Variants in ATP2B2 observed in about 807,000 individuals in gnomAD.
ATP2B2 encodes ATPase plasma membrane Ca2+ transporting 2, also known as plasma membrane calcium-transporting ATPase 2.
ATP2B2 carries 15 observed loss-of-function variants against 120.0 expected under a neutral mutation model. That is an observed-to-expected ratio of 0.12 (90% CI 0.08 to 0.19). ATP2B2 has a LOEUF of 0.19. Among genes scored for constraint, ATP2B2 ranks in the 10% least tolerant of loss-of-function variants. The probability of loss-of-function intolerance (pLI) is 1.00; values close to 1 mark genes in which losing one functional copy is unlikely to be tolerated. For missense variants in ATP2B2, 1,045 were observed against 1,719.8 expected, an observed-to-expected ratio of 0.61 and a Z score of 6.94; for synonymous variants, 694 against 700.3, an observed-to-expected ratio of 0.99 and a Z score of 0.14.
At chr3:10,510,028 G>C (rs1324547348), upstream of ATP2B2, among the ~76,000 whole-genome samples, 2 of 152,196 alleles carry the variant, frequency 1.3e-5, no homozygotes, top group East Asian at 3.8e-4. Context: ...CAGGCCCCAG[G>C]GAAAATGCTG....
At chr3:10,568,444 A>C (rs761261316) in intron 2 of ATP2B2, among the ~76,000 whole-genome samples, 2 of 152,178 alleles carry the variant, frequency 1.3e-5, no homozygotes, top group Non-Finnish European at 2.9e-5. Context: ...AGAGAAAGAA[A>C]AATCTCCTGA....
intron 1 of ATP2B2, among the ~76,000 whole-genome samples, chr3:10,636,523 AC>A (rs1415039528): frequency 6.6e-6 from 1 of 152,040 alleles, no homozygotes; most frequent in Non-Finnish European, 1.5e-5. Context: ...TGCTTGGGAA[AC>A]TTCTGTTTCC....
intron 1 of ATP2B2, among the ~76,000 whole-genome samples, chr3:10,621,462 C>T (rs1233993673): frequency 3.3e-5 from 5 of 152,200 alleles, no homozygotes; most frequent in South Asian, 2.1e-4. Context: ...TAGAAGTGAT[C>T]GTCAGCTCCA....
chr3:10,548,489 T>A (rs1305771915), intron 2 of ATP2B2, among the ~76,000 whole-genome samples: 1 of 152,172 alleles, frequency 6.6e-6, no homozygotes, highest in African/African-American at 2.4e-5. Flanking sequence ...CCAGCTCTGT[T>A]CCCTCTCAGC....
intron 1 of ATP2B2, among the ~76,000 whole-genome samples, chr3:10,697,324 C>T (rs2071756250): frequency 1.3e-5 from 2 of 152,184 alleles, no homozygotes; most frequent in Non-Finnish European, 2.9e-5. Flanking sequence ...CAGATCTGTG[C>T]TGTAAGTCAG....
At chr3:10,675,442 T>C (rs2071216933) in intron 1 of ATP2B2, among the ~76,000 whole-genome samples, 1 of 152,208 alleles carries the variant, frequency 6.6e-6, no homozygotes, top group South Asian at 2.1e-4. Context: ...TTTCTGATTA[T>C]TGGTATATTA....
chr3:10,483,146 C>T (rs11708602), intron 1 of ATP2B2, among the ~76,000 whole-genome samples: 21 of 152,226 alleles, frequency 1.4e-4, no homozygotes, highest in Non-Finnish European at 2.8e-4. Context: ...AGGGTAATGT[C>T]GGGGCCGACA....
intron 1 of ATP2B2, among the ~76,000 whole-genome samples, chr3:10,705,594 G>C (rs1253246957): frequency 6.6e-6 from 1 of 152,194 alleles, no homozygotes; most frequent in Non-Finnish European, 1.5e-5. Flanking sequence ...CCCATTTCTA[G>C]GGAAGCATGG....
chr3:10,610,753 T>C (rs982154783), intron 2 of ATP2B2, among the ~76,000 whole-genome samples: 1 of 152,310 alleles, frequency 6.6e-6, no homozygotes, highest in East Asian at 1.9e-4. Context: ...TCTGCTTTCA[T>C]GCTATAAAGA....
chr3:10,694,452 C>T (rs550347190), intron 1 of ATP2B2, among the ~76,000 whole-genome samples: 2 of 152,326 alleles, frequency 1.3e-5, no homozygotes, highest in African/African-American at 4.8e-5. Flanking sequence ...TTGCACTCCT[C>T]GAGGTTCATT....
At chr3:10,594,538 A>T (rs1338860187) in intron 2 of ATP2B2, among the ~76,000 whole-genome samples, 4 of 123,554 alleles carry the variant, frequency 3.2e-5, no homozygotes, top group Non-Finnish European at 4.8e-5. Context: ...GGACACAGGA[A>T]GGGGGACATC....
rs1374478520 is a variant in ATP2B2 at position 10,402,400 on chromosome 3, C to T, written c.398-52G>A. ...AGTGAGGTCAACCAGACAGGAGAGG[C>T]CTCATGGGCCTGGATTTACAGCTCA... On this transcript the variant is annotated intron_variant, in intron 3 of 22. Coordinates refer to ENST00000360273, the MANE Select transcript of ATP2B2 (RefSeq NM_001001331.4). This position sits in a 1 kb window ranked among gnomAD's most constrained non-coding sequence, Gnocchi z 4.9. 6.2e-7 allele frequency: 1 copy of T among 1,605,794 alleles called. No individual in the cohort carries two copies. Among genetic ancestry groups the T allele is most frequent in the African/African-American group, 1.3e-5 (1 of 74,908 alleles).
intron 14 of ATP2B2, among the ~76,000 whole-genome samples, chr3:10,355,797 G>GCAGGGAGGCAGA (rs2060701814): frequency 1.1e-5 from 1 of 92,322 alleles, no homozygotes. Context: ...TTTCCGGCCG[G>GCAGGGAGGCAGA]GCGCGGTGGC....
In ATP2B2 at chr3:10,467,667, G is replaced by A. The variant is rs529194447; in HGVS notation, c.-319-17805C>T. Among the ~76,000 whole-genome samples the A allele has an allele frequency of 1.5e-3, 228 of 152,320 alleles. 1 individual carries two copies. The highest frequency in any genetic ancestry group is 2.7e-3 in the Non-Finnish European group (183 of 68,030). On this transcript the variant is annotated intron_variant, in intron 1 of 22. Coordinates refer to ENST00000360273, the MANE Select transcript of ATP2B2 (RefSeq NM_001001331.4). ...GTTTGAATAAAAAGGCAGAGGACAT[G>A]CACTGGGCACCTGCTGTGTACCGAG...
intron 2 of ATP2B2, among the ~76,000 whole-genome samples, chr3:10,546,242 G>A (rs993946955): frequency 1.3e-5 from 2 of 152,142 alleles, no homozygotes; most frequent in Non-Finnish European, 2.9e-5. Context: ...CTGGGATTCT[G>A]CGCAATAAGA....
At chr3:10,513,407 G>A (rs1027571391) in intron 3 of ATP2B2, among the ~76,000 whole-genome samples, 3 of 152,228 alleles carry the variant, frequency 2.0e-5, no homozygotes, top group Non-Finnish European at 4.4e-5. Context: ...AGGAGAGGCA[G>A]TGGGGGCCCC....
intron 1 of ATP2B2, among the ~76,000 whole-genome samples, chr3:10,662,884 C>T (rs35214905): frequency 0.22 from 33,314 of 151,800 alleles, 6,117 homozygotes; most frequent in African/African-American, 0.5. Flanking sequence ...AAGTGTGGCA[C>T]ATATATACCA....
chr3:10,631,352 C>A (rs2069860118), intron 1 of ATP2B2, among the ~76,000 whole-genome samples: 2 of 152,150 alleles, frequency 1.3e-5, no homozygotes, highest in South Asian at 4.1e-4. Flanking sequence ...CTGTTAATAG[C>A]CAAGTGATAG....
intron 1 of ATP2B2, among the ~76,000 whole-genome samples, chr3:10,664,138 GT>G (rs1286404506): frequency 6.6e-6 from 1 of 152,076 alleles, no homozygotes; most frequent in Non-Finnish European, 1.5e-5. Context: ...GCCAGGGAGT[GT>G]TTTTGTGGGG....
Sources: allele counts gnomAD v4.1 joint callset (sites outside exome capture counted in the v4.1 genomes callset), GRCh38; gene constraint gnomAD v4.1.1; non-coding constraint Gnocchi (gnomAD v3.1); transcripts MANE v1.5; gene names NCBI Gene and HGNC (gene_info 2026-07-23, HGNC 2026-07-21).